The following NAALADL2 variants were observed in gnomAD, a reference collection of about 807,000 sequenced individuals.
NAALADL2 encodes N-acetylated alpha-linked acidic dipeptidase like 2, also known as inactive N-acetylated-alpha-linked acidic dipeptidase-like protein 2.
In NAALADL2, 76 loss-of-function variants were observed where a neutral mutation model predicts 87.2. The ratio of observed to expected loss-of-function variants is 0.87; its 90% confidence interval spans 0.72 to 1.05. The LOEUF (loss-of-function observed/expected upper bound fraction) is 1.05, where lower values mean the gene tolerates loss of function less well. Ranked by LOEUF, NAALADL2 falls within the 50% of genes least tolerant of loss-of-function variation. The probability of loss-of-function intolerance (pLI) is 0.00; values close to 1 mark genes in which losing one functional copy is unlikely to be tolerated. For synonymous variants in NAALADL2, 354 were observed against 331.0 expected (o/e 1.07, Z -0.75); for missense variants, 1,089 against 945.8 (o/e 1.15, Z -1.99).
chr3:175,781,565 A>T (rs1401952156), intron 13 of NAALADL2, among the ~76,000 whole-genome samples: 2 of 151,868 alleles, frequency 1.3e-5, no homozygotes, highest in African/African-American at 4.8e-5. Flanking sequence ...GAATTGTTAT[A>T]TTAGAGTGTG....
At chr3:174,895,647 G>A (rs1467223855) in intron 1 of NAALADL2, among the ~76,000 whole-genome samples, 1 of 152,120 alleles carries the variant, frequency 6.6e-6, no homozygotes, top group Admixed American at 6.6e-5. Context: ...CTCAAGAAGA[G>A]AGGAGGAGGA....
intron 4 of NAALADL2, among the ~76,000 whole-genome samples, chr3:175,277,798 C>T (rs1291734503): frequency 6.6e-6 from 1 of 152,120 alleles, no homozygotes; most frequent in Non-Finnish European, 1.5e-5. Context: ...ACCCTCCTAT[C>T]TCAGGACATT....
intron 1 of NAALADL2, among the ~76,000 whole-genome samples, chr3:174,973,144 T>C (rs1323194440): frequency 6.6e-6 from 1 of 152,202 alleles, no homozygotes; most frequent in African/African-American, 2.4e-5. Flanking sequence ...ATTATAAAGG[T>C]ATAAGTATCT....
chr3:175,391,960 T>C (rs530631144), intron 5 of NAALADL2, among the ~76,000 whole-genome samples: 1 of 152,324 alleles, frequency 6.6e-6, no homozygotes, highest in Non-Finnish European at 1.5e-5. Flanking sequence ...ATATTTATAC[T>C]TTGAATCATC....
At chr3:175,191,318 A>G (rs528224239) in intron 2 of NAALADL2, among the ~76,000 whole-genome samples, 1 of 152,202 alleles carries the variant, frequency 6.6e-6, no homozygotes, top group South Asian at 2.1e-4. Flanking sequence ...GGCAATAAAA[A>G]CTGAATATAG....
intron 1 of NAALADL2, among the ~76,000 whole-genome samples, chr3:174,477,433 TG>T (rs988607332): frequency 7.9e-5 from 12 of 152,132 alleles, no homozygotes; most frequent in African/African-American, 2.9e-4. Flanking sequence ...GTGGAGCTTG[TG>T]TAGGAACTTT....
chr3:175,047,234 G>T (rs548527567), intron 1 of NAALADL2, among the ~76,000 whole-genome samples: 2 of 152,248 alleles, frequency 1.3e-5, no homozygotes, highest in Admixed American at 1.3e-4. Flanking sequence ...CTGGAGGGGG[G>T]ACAATTGTTT....
intron 2 of NAALADL2, among the ~76,000 whole-genome samples, chr3:175,211,691 C>A (rs1460923773): frequency 1.3e-5 from 2 of 151,722 alleles, no homozygotes; most frequent in Admixed American, 6.6e-5. Flanking sequence ...CCAATTTAAC[C>A]CGGTGTGTTT....
rs370641079 is a variant in NAALADL2, at chr3:175,508,612, T to G, written c.1653+36854T>G. ...CGTAATTGTTTTTATTTTCTTTTCCTCTTGCTTATCTAGCCAGTCACCAAG... is the reference window on the plus strand; with the variant it reads ...CGTAATTGTTTTTATTTTCTTTTCCGCTTGCTTATCTAGCCAGTCACCAAG... On this transcript the variant is annotated intron_variant, in intron 9 of 13. Coordinates refer to ENST00000454872, the MANE Select transcript of NAALADL2 (RefSeq NM_207015.3). Among the ~76,000 whole-genome samples, 6 of 152,282 alleles carry G rather than the reference T, an allele frequency of 3.9e-5. No homozygotes were observed. The South Asian group carries it at 1.2e-3, about 32-fold the overall frequency.
intron 5 of NAALADL2, among the ~76,000 whole-genome samples, chr3:175,371,631 C>T (rs1176017904): frequency 6.6e-6 from 1 of 151,798 alleles, no homozygotes; most frequent in East Asian, 2.0e-4. Flanking sequence ...TCAAGAGTAG[C>T]CTGGCCAAGA....
chr3:175,072,770 A>C (rs1300329589), intron 1 of NAALADL2, among the ~76,000 whole-genome samples: 2 of 151,336 alleles, frequency 1.3e-5, no homozygotes, highest in Admixed American at 1.3e-4. Context: ...GCACACCAAC[A>C]TGGCACATGT....
At chr3:175,605,023 G>A (rs1723492383) in intron 10 of NAALADL2, among the ~76,000 whole-genome samples, 1 of 152,114 alleles carries the variant, frequency 6.6e-6, no homozygotes, top group Admixed American at 6.6e-5. Flanking sequence ...GCTAAGTACA[G>A]GATTCCCAAA....
At chr3:174,844,865 G>GTTTT in intron 3 of NAALADL2, among the ~76,000 whole-genome samples, 20 of 74,938 alleles carry the variant, frequency 2.7e-4, no homozygotes, top group East Asian at 4.6e-4. Context: ...TTTTTTTTGG[G>GTTTT]GGAGTCTTTA....
chr3:174,605,340 TGC>T (rs1483347843), intron 2 of NAALADL2, among the ~76,000 whole-genome samples: 5 of 152,092 alleles, frequency 3.3e-5, no homozygotes, highest in Non-Finnish European at 7.4e-5. Flanking sequence ...CAGCGCACCG[TGC>T]GCAAGCCGAA....
At chr3:174,755,437 A>AATT (rs1481244683) in intron 3 of NAALADL2, among the ~76,000 whole-genome samples, 18 of 152,214 alleles carry the variant, frequency 1.2e-4, no homozygotes, top group African/African-American at 4.3e-4. Flanking sequence ...AATCTGGTGA[A>AATT]ATTAATATGT....
chr3:175,670,504 T>G (rs988360603), intron 11 of NAALADL2, among the ~76,000 whole-genome samples: 26 of 54,716 alleles, frequency 4.8e-4, no homozygotes, highest in African/African-American at 1.1e-3. Context: ...TTTAATATAT[T>G]TATATTAAAT....
intron 2 of NAALADL2, among the ~76,000 whole-genome samples, chr3:174,705,265 G>C (rs952595783): frequency 6.6e-6 from 1 of 152,092 alleles, no homozygotes; most frequent in Non-Finnish European, 1.5e-5. Context: ...AAAAATCCAC[G>C]CAGACGTGGG....
At chr3:175,381,492 A>G (rs1767776527) in intron 5 of NAALADL2, among the ~76,000 whole-genome samples, 1 of 152,022 alleles carries the variant, frequency 6.6e-6, no homozygotes, top group Non-Finnish European at 1.5e-5. Context: ...ATGATTCATA[A>G]TAATCTTCTT....
chr3:174,448,644 AT>A (rs1403039503), intron 1 of NAALADL2, among the ~76,000 whole-genome samples: 1 of 152,166 alleles, frequency 6.6e-6, no homozygotes, highest in East Asian at 1.9e-4. Flanking sequence ...GAAGGCTTTA[AT>A]CAGGTGCTGC....
Sources: gnomAD v4.1 joint callset for allele counts (sites outside exome capture counted in the v4.1 genomes callset) on GRCh38, gnomAD v4.1.1 for gene constraint, MANE v1.5 for transcripts, NCBI Gene and HGNC (gene_info 2026-07-23, HGNC 2026-07-21) for gene names.